CPED1: variants seen among roughly 807,000 people sequenced by gnomAD.
The protein encoded by CPED1 is cadherin like and PC-esterase domain containing 1, also known as cadherin-like and PC-esterase domain-containing protein 1.
A neutral mutation model predicts 128.2 loss-of-function variants in CPED1; 114 were observed. The ratio of observed to expected loss-of-function variants is 0.89; its 90% CI spans 0.76 to 1.04. CPED1 has a LOEUF of 1.04. Ranked by LOEUF, CPED1 falls within the 50% of genes least tolerant of loss-of-function variation. CPED1 has a pLI of 0.00. For synonymous variants in CPED1, 462 were observed against 426.7 expected, an observed-to-expected ratio of 1.08 and a Z score of -1.02; for missense variants, 1,211 against 1,207.1, an observed-to-expected ratio of 1.00 and a Z score of -0.05.
intron 4 of CPED1, among the ~76,000 whole-genome samples, chr7:121,047,687 TC>T (rs1793241024): frequency 1.9e-5 from 2 of 102,572 alleles, no homozygotes; most frequent in Admixed American, 9.6e-5. Context: ...TTCTTCTTCT[TC>T]TTCTTCTTCT....
intron 16 of CPED1, among the ~76,000 whole-genome samples, chr7:121,190,391 CAAAAA>C (rs368606501): frequency 1.0e-5 from 1 of 97,390 alleles, no homozygotes; most frequent in African/African-American, 4.2e-5. Flanking sequence ...GACTCTGTAT[CAAAAA>C]AAAAAAAAAA....
At chr7:121,064,804 A>T (rs948946661) in intron 5 of CPED1, among the ~76,000 whole-genome samples, 2 of 152,172 alleles carry the variant, frequency 1.3e-5, no homozygotes, top group African/African-American at 4.8e-5. Flanking sequence ...TGGGACAAAA[A>T]TTACCATCTT....
At chr7:121,046,602 TTA>T (rs1793206787) in intron 3 of CPED1, among the ~76,000 whole-genome samples, 1 of 152,136 alleles carries the variant, frequency 6.6e-6, no homozygotes, top group African/African-American at 2.4e-5. Context: ...TTTCAATCTT[TTA>T]AATGAATTTT....
chr7:121,050,469 T>TTG (rs1232264380), intron 4 of CPED1: 2 of 148,304 alleles, frequency 1.3e-5, no homozygotes, highest in East Asian at 3.9e-4. Context: ...GGTTTTTTTT[T>TTG]TTTTTTTTTT....
At chr7:121,134,378 G>T (rs1795740428) in intron 13 of CPED1, among the ~76,000 whole-genome samples, 1 of 152,036 alleles carries the variant, frequency 6.6e-6, no homozygotes, top group African/African-American at 2.4e-5. Context: ...GAAAAAAGTT[G>T]ATCTCACAGA....
At chr7:121,166,397 TGAAGTATTATACA>T (rs1796525860) in intron 16 of CPED1, among the ~76,000 whole-genome samples, 1 of 152,208 alleles carries the variant, frequency 6.6e-6, no homozygotes, top group Non-Finnish European at 1.5e-5. Flanking sequence ...TCGCAAGTTA[TGAAGTATTATACA>T]GATGAGACAT....
chr7:121,158,736 T>C (rs139514352), intron 16 of CPED1, among the ~76,000 whole-genome samples: 228 of 152,280 alleles, frequency 1.5e-3, no homozygotes, highest in African/African-American at 5.0e-3. Flanking sequence ...AAAAGAGTAC[T>C]AAGGTTTCTC....
chr7:121,217,624 T>C (rs1797786550), intron 16 of CPED1, among the ~76,000 whole-genome samples: 1 of 152,046 alleles, frequency 6.6e-6, no homozygotes, highest in Non-Finnish European at 1.5e-5. Context: ...ATTCATGAAA[T>C]GCTTTGGAAA....
At chr7:121,141,949 T>A (rs1262956068) in intron 15 of CPED1, 24 bp from the exon 16 acceptor site, 1 of 1,600,400 alleles carries the variant, frequency 6.2e-7, no homozygotes, top group African/African-American at 1.3e-5. Context: ...CATATTCTAT[T>A]TCTCTCTCCC....
chr7:121,122,420 C>T lies in CPED1; in HGVS notation c.919-1911C>T, dbSNP rs184290572. Among the ~76,000 whole-genome samples the T allele has an allele frequency of 2.1e-3, 320 of 152,230 alleles. 3 individuals carry two copies. The highest frequency in any genetic ancestry group is 6.8e-3 in the Middle Eastern group (2 of 294). On this transcript the variant is annotated intron_variant, in intron 7 of 22. Transcript: ENST00000310396. The stretch of plus-strand genomic sequence containing the variant: ...CCTCCCAAAGTGCTGGGATTATAGG[C>T]GTGAGCCACCATGCCCGGCTGTCTT...
chr7:121,006,723 C>G (rs1055929888), intron 2 of CPED1, among the ~76,000 whole-genome samples: 1 of 152,180 alleles, frequency 6.6e-6, no homozygotes, highest in Non-Finnish European at 1.5e-5. Context: ...GTCAAGACCA[C>G]CATCTCTCAG....
At chr7:121,124,579 C>A in intron 8 of CPED1, 106 bp downstream of exon 8, 1 of 854,544 alleles carries the variant, frequency 1.2e-6, no homozygotes, top group Non-Finnish European at 1.6e-6. Context: ...GTAGGTGGTA[C>A]TTGGAAAATT....
intron 16 of CPED1, among the ~76,000 whole-genome samples, chr7:121,204,392 C>T (rs1797471293): frequency 6.6e-6 from 1 of 152,100 alleles, no homozygotes; most frequent in Non-Finnish European, 1.5e-5. Context: ...CCCAGCCTCA[C>T]TTATTGTCAT....
intron 5 of CPED1, among the ~76,000 whole-genome samples, chr7:121,087,665 C>CTTTTTTTTTTTTTTTTTTTTTTTTTTT (rs72453872): frequency 9.9e-5 from 13 of 131,572 alleles, no homozygotes; most frequent in African/African-American, 4.1e-4. Flanking sequence ...CTTTTCTTTC[C>CTTTTTTTTTTTTTTTTTTTTTTTTTTT]TGTTTTTTTT....
chr7:121,093,942 G>A (rs1265332433), intron 5 of CPED1, among the ~76,000 whole-genome samples: 1 of 152,088 alleles, frequency 6.6e-6, no homozygotes, highest in Non-Finnish European at 1.5e-5. Context: ...CTTTGACTCT[G>A]CTGTCTTCTG....
chr7:121,164,706 C>T (rs1796485473), intron 16 of CPED1, among the ~76,000 whole-genome samples: 1 of 152,170 alleles, frequency 6.6e-6, no homozygotes, highest in Non-Finnish European at 1.5e-5. Context: ...CATTATGTAG[C>T]TCAGGTGCAT....
At chr7:121,132,352 G>A (rs1795691112) in intron 12 of CPED1, among the ~76,000 whole-genome samples, 1 of 151,960 alleles carries the variant, frequency 6.6e-6, no homozygotes, top group Non-Finnish European at 1.5e-5. Flanking sequence ...AGACAGGGAG[G>A]CCATCATTGT....
chr7:121,148,299 C>T (rs1414792886), intron 16 of CPED1, among the ~76,000 whole-genome samples: 1 of 152,130 alleles, frequency 6.6e-6, no homozygotes, highest in Non-Finnish European at 1.5e-5. Flanking sequence ...ATACAAATAG[C>T]AGCAAAGCAG....
Position 121,243,151 on chromosome 7 carries a change from T to C in CPED1, c.2174-1051T>C, listed in dbSNP as rs79435884. On this transcript the variant is annotated intron_variant, in intron 17 of 22. Coordinates refer to ENST00000310396, the MANE Select transcript of CPED1 (RefSeq NM_024913.5). ...AAGAACTATCTGGGTGATATTTAGC[T>C]CCTCAGTTTTGAAGGGTAAACATAT... 1.6e-3 allele frequency among the ~76,000 whole-genome samples: 241 copies of C among 152,268 alleles called. 2 individuals carry two copies. Among genetic ancestry groups the C allele is most frequent in the African/African-American group, 5.6e-3 (233 of 41,570 alleles).
Sources: allele counts gnomAD v4.1 joint callset (sites outside exome capture counted in the v4.1 genomes callset), GRCh38; gene constraint gnomAD v4.1.1; transcripts MANE v1.5; gene names NCBI Gene and HGNC (gene_info 2026-07-23, HGNC 2026-07-21).